NHSL1: variants seen among roughly 807,000 people sequenced by gnomAD.
The protein encoded by NHSL1 is NHS-like protein 1.
Under a neutral mutation model 95.0 loss-of-function variants are expected in NHSL1, and 48 were observed. The observed-to-expected ratio is 0.51, with a 90% CI of 0.40 to 0.64. The LOEUF is 0.64. Ranked by LOEUF, NHSL1 falls within the 30% of genes least tolerant of loss-of-function variation. The pLI is 0.00. For synonymous variants in NHSL1, 783 were observed against 833.9 expected, an observed-to-expected ratio of 0.94 and a Z score of 1.05; for missense variants, 1,971 against 2,077.7, an observed-to-expected ratio of 0.95 and a Z score of 1.00.
At position 138,432,119 on chromosome 6, in the gene NHSL1, A is replaced by G; in HGVS notation, c.2226T>C (p.Val742=). The change falls in exon 6 of 8, where the codon GTT becomes GTC. Residue 742 remains valine, a synonymous_variant. Coordinates refer to ENST00000343505, the MANE Select transcript of NHSL1 (RefSeq NM_001144060.2). The surrounding 1 kb of genome is among the most constrained non-coding windows in gnomAD (Gnocchi z 4.4). ...WLPRSRSQST[V]SAGSSMTSAT... is the part of the protein sequence containing the mutation. ...CGGAAGTCATGCTGCTGCCAGCACT[A>G]ACTGTGCTCTGGCTCCGGGAGCGGG... 6.4e-7 allele frequency: 1 copy of G among 1,550,670 alleles called. No individual in the cohort carries two copies. The highest frequency in any genetic ancestry group is 8.7e-7 in the Non-Finnish European group (1 of 1,146,282).
chr6:138,464,493 T>A lies in NHSL1; in HGVS notation c.339+8813A>T, dbSNP rs181442266. On this transcript the variant is annotated intron_variant, in intron 3 of 7. Transcript: ENST00000343505. ...GCAGTGCTTAAATTCTGAGCCTCAGTCCACTAACATCTCAGCAGCATTTGC... is the reference window on the plus strand; with the variant it reads ...GCAGTGCTTAAATTCTGAGCCTCAGACCACTAACATCTCAGCAGCATTTGC... 4 of 220,814 alleles carry A rather than the reference T, an allele frequency of 1.8e-5. No individual in the cohort carries two copies. In the Admixed American group the frequency reaches 2.3e-4, roughly 13 times the overall value. The allele number at this position is 220,814 out of a possible 1,614,324, so 13.7% of individuals were successfully genotyped here. A position where few individuals can be genotyped will look rare whatever the true frequency, so the allele number is the denominator to read the frequency against.
intron 3 of NHSL1, among the ~76,000 whole-genome samples, chr6:138,460,802 C>T (rs889661944): frequency 5.9e-5 from 9 of 151,384 alleles, no homozygotes; most frequent in African/African-American, 2.2e-4. Context: ...TCACTTAGCA[C>T]TGCCCCTCTG....
Position 138,692,248 on chromosome 6 carries a change from T to C in NHSL1, c.96+228A>G. 2.2e-6 allele frequency: 1 copy of C among 452,204 alleles called. No homozygotes were observed. Among genetic ancestry groups the C allele is most frequent in the South Asian group, 1.6e-5 (1 of 64,030 alleles). The allele number at this position is 452,204 out of a possible 1,614,324, so 28.0% of individuals were successfully genotyped here. ...TCCAATTCCCACCCTCCGCGCCCAC[T>C]CTCTCGAGGTAGCCAAGACCCTCCA... is the stretch of plus-strand genomic sequence containing the variant. On this transcript the variant is annotated intron_variant, in intron 1 of 3. Coordinates refer to the NHSL1 transcript ENST00000491526. This position sits in a 1 kb window ranked among gnomAD's most constrained non-coding sequence, Gnocchi z 4.0.
chr6:138,432,823 T>A lies in NHSL1; in HGVS notation c.1522A>T (p.Asn508Tyr), dbSNP rs1006701785. The change falls in exon 6 of 8, where the codon AAT (asparagine) becomes TAT (tyrosine). Residue 508 changes from asparagine to tyrosine, a missense_variant. This residue lies in a region of NHSL1 where 1,602 missense variants were observed against 1,654.5 expected (regional missense o/e 0.97). Coordinates refer to ENST00000343505, the MANE Select transcript of NHSL1 (RefSeq NM_001144060.2). The surrounding 1 kb of genome is among the most constrained non-coding windows in gnomAD (Gnocchi z 4.4). ...DSAVPLNAPA[N>Y]RENGSQAMPY... ...ATAGCTTGGGACCCATTCTCCCTAT[T>A]TGCTGGAGCATTTAGAGGGACGGCT... The A allele has an allele frequency of 3.9e-6, 6 of 1,551,476 alleles. No homozygotes were observed. Among genetic ancestry groups the A allele is most frequent in the African/African-American group, 2.7e-5 (2 of 73,018 alleles).
At chr6:138,528,393 T>G (rs1278825585) in intron 1 of NHSL1, among the ~76,000 whole-genome samples, 1 of 152,110 alleles carries the variant, frequency 6.6e-6, no homozygotes. Flanking sequence ...GTTCTGGAGT[T>G]CAGGAAGAAA....
At chr6:138,449,555 T>C (rs12529714) in intron 3 of NHSL1, among the ~76,000 whole-genome samples, 17,843 of 152,010 alleles carry the variant, frequency 0.12, 1,143 homozygotes, top group Middle Eastern at 0.17. Flanking sequence ...TGTGCACCCA[T>C]AGTCTCAGCT....
At chr6:138,654,421 T>G (rs2114716833) in intron 1 of NHSL1, among the ~76,000 whole-genome samples, 1 of 152,294 alleles carries the variant, frequency 6.6e-6, no homozygotes, top group East Asian at 1.9e-4. Context: ...GACCCAGCAA[T>G]TCTTCTAGTT....
At chr6:138,596,133 C>T (rs4397246) in intron 1 of NHSL1, among the ~76,000 whole-genome samples, 50,374 of 151,972 alleles carry the variant, frequency 0.33, 8,696 homozygotes, top group Middle Eastern at 0.46. Context: ...AGTCAATGGT[C>T]GATCCAAGGA....
intron 1 of NHSL1, among the ~76,000 whole-genome samples, chr6:138,579,823 C>T (rs1488885276): frequency 6.6e-6 from 1 of 152,204 alleles, no homozygotes; most frequent in Non-Finnish European, 1.5e-5. Context: ...AGCATTTATT[C>T]TATTTAACTC....
intron 1 of NHSL1, among the ~76,000 whole-genome samples, chr6:138,630,314 G>A (rs1784801946): frequency 6.6e-6 from 1 of 151,970 alleles, no homozygotes. Context: ...TTTACCCTTG[G>A]ATGAATATCT....
intron 1 of NHSL1, among the ~76,000 whole-genome samples, chr6:138,611,196 A>T (rs1260132214): frequency 6.6e-6 from 1 of 152,200 alleles, no homozygotes; most frequent in Non-Finnish European, 1.5e-5. Flanking sequence ...GGGAAGATGA[A>T]TGCTTAGTAG....
rs1178563052 is a variant in NHSL1, at chr6:138,447,066, G to A, written c.467C>T (p.Pro156Leu). ...NWTKSLPLPT[P>L]EEKMRQQAQT... ...GGCTTGCTGTCGCATCTTCTCTTCTGGTGTTGGCAGTGGAAGCGACTTGGT... is the reference window on the plus strand; with the variant it reads ...GGCTTGCTGTCGCATCTTCTCTTCTAGTGTTGGCAGTGGAAGCGACTTGGT... Residue 156 changes from proline (P) to leucine (L), a missense_variant, in exon 4 of 8, where the codon CCA becomes CTA. By Grantham distance (98) the Pro-to-Leu change is moderately conservative (BLOSUM62 -3). Coordinates refer to ENST00000343505, the MANE Select transcript of NHSL1 (RefSeq NM_001144060.2). 1 of 1,551,606 alleles carries A rather than the reference G, an allele frequency of 6.4e-7. No individual in the cohort carries two copies. The highest frequency in any genetic ancestry group is 8.7e-7 in the Non-Finnish European group (1 of 1,147,014).
intron 1 of NHSL1, among the ~76,000 whole-genome samples, chr6:138,662,709 C>T (rs959752916): frequency 5.3e-5 from 8 of 151,752 alleles, no homozygotes; most frequent in African/African-American, 4.8e-5. Flanking sequence ...GGATATATGA[C>T]GACTATTCAT....
chr6:138,440,877 G>C (rs6913304), intron 5 of NHSL1, among the ~76,000 whole-genome samples: 19,898 of 152,236 alleles, frequency 0.13, 2,141 homozygotes, highest in African/African-American at 0.3. Flanking sequence ...AGTTTCTAGA[G>C]TGTAACTTTT....
intron 1 of NHSL1, among the ~76,000 whole-genome samples, chr6:138,610,706 A>T (rs76372221): frequency 0.01 from 1,555 of 152,040 alleles, 27 homozygotes; most frequent in African/African-American, 0.035. Context: ...ACCTGGGGCA[A>T]TTGTCCACAC....
chr6:138,608,984 T>C (rs1405007342), intron 1 of NHSL1, among the ~76,000 whole-genome samples: 5 of 152,218 alleles, frequency 3.3e-5, no homozygotes, highest in Non-Finnish European at 7.3e-5. Flanking sequence ...TTCAGAGTAT[T>C]TGTAACTCCA....
intron 1 of NHSL1, among the ~76,000 whole-genome samples, chr6:138,647,725 C>A (rs9495179): frequency 6.6e-6 from 1 of 151,684 alleles, no homozygotes; most frequent in African/African-American, 2.4e-5. Flanking sequence ...CTCCGCCTCC[C>A]GAGTAGCTGG....
intron 1 of NHSL1, among the ~76,000 whole-genome samples, chr6:138,680,346 GGTT>G (rs1218422149): frequency 1.3e-5 from 2 of 152,120 alleles, no homozygotes; most frequent in Non-Finnish European, 2.9e-5. Context: ...ACCGCAGTCA[GGTT>G]GTTAAAACCA....
At chr6:138,691,906 A>T (rs1263988045) in intron 1 of NHSL1, 1 of 456,678 alleles carries the variant, frequency 2.2e-6, no homozygotes, top group Admixed American at 2.3e-5. Context: ...AAGAAAGAAA[A>T]TTCTGCGCCA....
Sources: gnomAD v4.1 joint callset for allele counts (sites outside exome capture counted in the v4.1 genomes callset) on GRCh38, gnomAD v4.1.1 for gene constraint, gnomAD v4.1.1 regional missense constraint, Gnocchi (gnomAD v3.1) non-coding constraint, MANE v1.5 for transcripts, NCBI Gene and HGNC (gene_info 2026-07-23, HGNC 2026-07-21) for gene names.